MMS19: variants seen among roughly 807,000 people sequenced by gnomAD.
The protein encoded by MMS19 is MMS19 cytosolic iron-sulfur assembly component, also known as MMS19 nucleotide excision repair protein homolog.
MMS19 carries 77 observed loss-of-function variants against 129.8 expected under a neutral mutation model. That is an observed-to-expected ratio of 0.59 (90% CI 0.49 to 0.72). MMS19 has a LOEUF of 0.72. Among genes scored for constraint, MMS19 ranks in the 30% least tolerant of loss-of-function variants. MMS19 has a pLI of 0.00. For missense variants in MMS19, 1,168 were observed against 1,266.3 expected, an observed-to-expected ratio of 0.92 and a Z score of 1.18; for synonymous variants, 491 against 502.8, an observed-to-expected ratio of 0.98 and a Z score of 0.31.
At chr10:97,459,137 G>A in intron 29 of MMS19, 86 bp downstream of exon 29, 1 of 1,369,028 alleles carries the variant, frequency 7.3e-7, no homozygotes, top group Non-Finnish European at 1.0e-6. Context: ...CACCAGGGTG[G>A]CCAAGCCCAC....
chr10:97,487,395 T>C (rs1156725906), intron 1 of MMS19, among the ~76,000 whole-genome samples: 2 of 149,956 alleles, frequency 1.3e-5, no homozygotes, highest in African/African-American at 5.0e-5. Context: ...CTCGGCTCAC[T>C]GCAAGCTCCG....
At position 97,462,701 on chromosome 10, in the gene MMS19, T is replaced by A. The variant is rs771665566; in HGVS notation, c.1913-19A>T. Reference sequence around the variant, plus strand: ...TCCTTCTCTGCAAAACACACACACATGCACACAATCACAAGACCATGACGG... The same window carrying A: ...TCCTTCTCTGCAAAACACACACACAAGCACACAATCACAAGACCATGACGG... On this transcript the variant is annotated intron_variant, in intron 19 of 30. Coordinates refer to ENST00000438925, the MANE Select transcript of MMS19 (RefSeq NM_022362.5). The A allele has an allele frequency of 1.3e-6, 2 of 1,556,206 alleles. No homozygotes were observed. Among genetic ancestry groups the A allele is most frequent in the African/African-American group, 1.4e-5 (1 of 73,796 alleles).
Position 97,459,389 on chromosome 10 carries a change from A to C in MMS19, c.2877T>G (p.Phe959Leu). 1 of 1,605,212 alleles carries C rather than the reference A, an allele frequency of 6.2e-7. No homozygotes were observed. Reference protein sequence around the residue: ...SLHVDTLVTKFLNLSSSPSMA... With the variant: ...SLHVDTLVTKLLNLSSSPSMA... ...TGGAAGGGCTAGAGCTGAGGTTCAG[A>C]AACTTGGTGACGAGGGTGTCCACGT... Residue 959 changes from phenylalanine (F) to leucine (L), a missense_variant, in exon 28 of 31, where the codon TTT (phenylalanine) becomes TTG (leucine). By Grantham distance (22) the Phe-to-Leu change is conservative. This residue lies in a region of MMS19 where 831 missense variants were observed against 910.8 expected (regional missense o/e 0.91). Transcript: ENST00000438925.
In MMS19 at chr10:97,466,092, G is replaced by C; in HGVS notation, c.1573C>G (p.Leu525Val). 6.2e-7 allele frequency: 1 copy of C among 1,609,950 alleles called. No homozygotes were observed. Among genetic ancestry groups the C allele is most frequent in the Non-Finnish European group, 8.5e-7 (1 of 1,177,880 alleles). ...AGCTCCTCAGCGAGCTTGGGTACGA[G>C]GTGGCTGCTGAAGGCCACAGGGTAG... Reference protein sequence around the residue: ...ALYPVAFSSHLVPKLAEELRV... With the variant: ...ALYPVAFSSHVVPKLAEELRV... The change falls in exon 17 of 31, where the codon CTC becomes GTC. Residue 525 changes from leucine to valine, a missense_variant. Physicochemically the swap from Leu to Val is conservative, Grantham distance 32. Around this residue, in one of 3 missense-constraint regions of MMS19, gnomAD observed 831 missense variants for 910.8 expected, o/e 0.91. Coordinates refer to ENST00000438925, the MANE Select transcript of MMS19 (RefSeq NM_022362.5).
intron 1 of MMS19, among the ~76,000 whole-genome samples, chr10:97,489,915 G>A (rs2038596355): frequency 1.3e-5 from 2 of 152,152 alleles, no homozygotes; most frequent in South Asian, 4.1e-4. Context: ...CTCCATCACT[G>A]GCAATGTTAA....
rs758744282 is a variant in MMS19, at chr10:97,459,246, G to A, written c.2941C>T (p.Leu981Phe). ...ACCACAGGGGTGGGCAGGCGAGTGA[G>A]AGCATGCATGCACTGCAGTGCGGCG... ...RIAALQCMHA[L>F]TRLPTPVLLP... Residue 981 changes from leucine to phenylalanine, a missense_variant, in exon 29 of 31, where the codon CTC (leucine) becomes TTC (phenylalanine). Physicochemically the swap from Leu to Phe is conservative, Grantham distance 22. This residue lies in a region of MMS19 where 831 missense variants were observed against 910.8 expected (regional missense o/e 0.91). Transcript: ENST00000438925. 2.0e-5 allele frequency: 32 copies of A among 1,612,748 alleles called. No individual in the cohort carries two copies. In the South Asian group the frequency reaches 3.4e-4, roughly 17 times the overall value.
upstream of MMS19, chr10:97,498,571 G>A (rs1251915246): frequency 3.0e-6 from 2 of 673,058 alleles, no homozygotes; most frequent in Non-Finnish European, 4.7e-6. Flanking sequence ...GTGGCACCGA[G>A]AGGGAAGGCG....
At position 97,459,393 on chromosome 10, in the gene MMS19, T is replaced by C. The variant is rs964901786; in HGVS notation, c.2873A>G (p.Lys958Arg). 2 of 1,605,184 alleles carry C rather than the reference T, an allele frequency of 1.2e-6. No homozygotes were observed. The highest frequency in any genetic ancestry group is 3.4e-5 in the Admixed American group (2 of 58,036). ...MSLHVDTLVT[K>R]FLNLSSSPSM... ...AGGGCTAGAGCTGAGGTTCAGAAAC[T>C]TGGTGACGAGGGTGTCCACGTGAAG... is the stretch of plus-strand genomic sequence containing the variant. The change falls in exon 28 of 31, where the codon AAG (lysine) becomes AGG (arginine). Residue 958 changes from lysine to arginine, a missense_variant. Lys to Arg is a conservative substitution (Grantham distance 26, BLOSUM62 2). This residue lies in a region of MMS19 where 831 missense variants were observed against 910.8 expected (regional missense o/e 0.91). Coordinates refer to ENST00000438925, the MANE Select transcript of MMS19 (RefSeq NM_022362.5).
At chr10:97,468,127 G>A in intron 13 of MMS19, 125 bp downstream of exon 13, 1 of 790,688 alleles carries the variant, frequency 1.3e-6, no homozygotes, top group South Asian at 2.7e-5. Flanking sequence ...AGCAGCAGCA[G>A]CAGCTAATGG....
chr10:97,476,938 G>C lies in MMS19; in HGVS notation c.519C>G (p.Phe173Leu). The change falls in exon 7 of 31, where the codon TTC becomes TTG. Residue 173 changes from phenylalanine (F) to leucine (L), a missense_variant. By Grantham distance (22) the Phe-to-Leu change is conservative. This residue lies in a region of MMS19 where 329 missense variants were observed against 328.6 expected (regional missense o/e 1.00). Coordinates refer to ENST00000438925, the MANE Select transcript of MMS19 (RefSeq NM_022362.5). ...CCATCACCTGGATGAAGCCAAAGGTGAAGTCAGCTCCTAGGCTCTTTAGCT... is the reference window on the plus strand; with the variant it reads ...CCATCACCTGGATGAAGCCAAAGGTCAAGTCAGCTCCTAGGCTCTTTAGCT... ...EEELKSLGADFTFGFIQVMDG... is the reference protein window; with the variant it reads ...EEELKSLGADLTFGFIQVMDG... 1.2e-6 allele frequency: 2 copies of C among 1,613,866 alleles called. No homozygotes were observed. The highest frequency in any genetic ancestry group is 1.7e-6 in the Non-Finnish European group (2 of 1,179,792).
rs140537667 is a variant in MMS19, at chr10:97,462,039, G to A, written c.2093C>T (p.Pro698Leu). 32 of 1,592,578 alleles carry A rather than the reference G, an allele frequency of 2.0e-5. No homozygotes were observed. Among genetic ancestry groups the A allele is most frequent in the Non-Finnish European group, 2.4e-5 (28 of 1,169,536 alleles). ...NVSFLPENSF[P>L]SRFQPFQDGS... ...TACCTGGAATGGCTGGAATCTGCTC[G>A]GGAAGCTGTTTTCAGGCAGAAAGGA... is the stretch of plus-strand genomic sequence containing the variant. Residue 698 changes from proline to leucine, a missense_variant, in exon 21 of 31, where the codon CCG (proline) becomes CTG (leucine). Around this residue, in one of 3 missense-constraint regions of MMS19, gnomAD observed 831 missense variants for 910.8 expected, o/e 0.91. Transcript: ENST00000438925.
At chr10:97,482,735 TATACACACACAC>T (rs1448579533) in intron 2 of MMS19, among the ~76,000 whole-genome samples, 3 of 137,864 alleles carry the variant, frequency 2.2e-5, no homozygotes, top group East Asian at 2.4e-4. Flanking sequence ...TGTGTATATA[TATACACACACAC>T]ACACACACAC....
chr10:97,478,439 C>A (rs2135414475), intron 3 of MMS19, 50 bp from the exon 4 acceptor site: 1 of 1,363,942 alleles, frequency 7.3e-7, no homozygotes, highest in East Asian at 2.4e-5. Context: ...GAGAAGGGCC[C>A]AAGAGCTTTG....
intron 1 of MMS19, among the ~76,000 whole-genome samples, chr10:97,496,021 T>A (rs1294995439): frequency 5.9e-5 from 9 of 151,788 alleles, no homozygotes; most frequent in Admixed American, 2.0e-4. Flanking sequence ...GCTCAAGCAA[T>A]CCGCCTACCT....
chr10:97,479,221 T>C (rs755575397), intron 3 of MMS19, among the ~76,000 whole-genome samples: 6 of 152,148 alleles, frequency 3.9e-5, no homozygotes, highest in Non-Finnish European at 7.4e-5. Context: ...TAAACCAGCA[T>C]GAGGACCAAG....
At position 97,462,084 on chromosome 10, in the gene MMS19, AG is replaced by A; in HGVS notation, c.2047del (p.Leu683SerfsTer32). ...AAQSVTHIVP[L>X]FLDGNVSFLP... is the part of the protein sequence containing the mutation. ...AAAGGACACGTTGCCATCCAAGAAG[AG>A]GGGCACAATGTGTGTCACACTCTGG... On this transcript the variant is annotated frameshift_variant, in exon 21 of 31. Coordinates refer to ENST00000438925, the MANE Select transcript of MMS19 (RefSeq NM_022362.5). LOFTEE classifies it high-confidence loss of function. 1 of 1,587,636 alleles carries A rather than the reference AG, an allele frequency of 6.3e-7. No homozygotes were observed. The highest frequency in any genetic ancestry group is 8.6e-7 in the Non-Finnish European group (1 of 1,166,570).
chr10:97,462,228 T>C, intron 20 of MMS19, 109 bp from the exon 21 acceptor site: 1 of 744,244 alleles, frequency 1.3e-6, no homozygotes, highest in South Asian at 1.6e-5. Context: ...ACCACGTCAA[T>C]GGGACATGCC....
chr10:97,498,397 A>G lies in MMS19; in HGVS notation c.-13T>C, dbSNP rs778328681. ...CGGCAGCGGCCATAACGCGAACTAG[A>G]GACCGTGGGAGGGGATATGGGCGGT... On this transcript the variant is annotated 5_prime_UTR_variant, in exon 1 of 31. Transcript: ENST00000438925. 22 of 1,578,570 alleles carry G rather than the reference A, an allele frequency of 1.4e-5. No individual in the cohort carries two copies. The highest frequency in any genetic ancestry group is 3.5e-5 in the Admixed American group (2 of 57,196).
At chr10:97,484,225 A>C (rs1375362074) in intron 1 of MMS19, 74 bp from the exon 2 acceptor site, 30 of 1,042,660 alleles carry the variant, frequency 2.9e-5, no homozygotes. Context: ...CACTAATTAT[A>C]ATGTTTCCTG....
Sources: gnomAD v4.1 joint callset for allele counts (sites outside exome capture counted in the v4.1 genomes callset) on GRCh38, gnomAD v4.1.1 for gene constraint, gnomAD v4.1.1 regional missense constraint, MANE v1.5 for transcripts, NCBI Gene and HGNC (gene_info 2026-07-23, HGNC 2026-07-21) for gene names.